Variants in COL5A2 observed in about 807,000 individuals in gnomAD.
COL5A2 encodes collagen type V alpha 2 chain, also known as collagen alpha-2(V) chain.
A neutral mutation model predicts 208.2 loss-of-function variants in COL5A2; 23 were observed. The ratio of observed to expected loss-of-function variants is 0.11; its 90% CI spans 0.08 to 0.16. COL5A2 has a LOEUF of 0.16. COL5A2 is among the 10% of genes least tolerant of loss of function. The probability of loss-of-function intolerance (pLI) is 1.00; values close to 1 mark genes in which losing one functional copy is unlikely to be tolerated. For synonymous variants in COL5A2, 625 were observed against 628.5 expected, an observed-to-expected ratio of 0.99 and a Z score of 0.08; for missense variants, 1,590 against 1,956.4, an observed-to-expected ratio of 0.81 and a Z score of 3.53.
chr2:189,241,885 T>G, the COL5A2 span, among the ~76,000 whole-genome samples: 1 of 152,288 alleles, frequency 6.6e-6, no homozygotes, highest in East Asian at 1.9e-4. Flanking sequence ...CCAGGTATTC[T>G]CCCCTACCCA....
chr2:189,089,816 G>A (rs1686744773), intron 7 of COL5A2, among the ~76,000 whole-genome samples: 1 of 152,144 alleles, frequency 6.6e-6, no homozygotes, highest in African/African-American at 2.4e-5. Flanking sequence ...CTTGAATGAT[G>A]CCCATACAAG....
intron 11 of COL5A2, among the ~76,000 whole-genome samples, chr2:189,084,727 A>C (rs1366142679): frequency 6.6e-6 from 1 of 152,160 alleles, no homozygotes; most frequent in Non-Finnish European, 1.5e-5. Flanking sequence ...TGAAGAAATC[A>C]TTTTTTCATC....
At chr2:189,159,905 A>G (rs1360136307) in intron 1 of COL5A2, among the ~76,000 whole-genome samples, 1 of 151,804 alleles carries the variant, frequency 6.6e-6, no homozygotes, top group Non-Finnish European at 1.5e-5. Context: ...TAATAATTAA[A>G]TTAAAAATAA....
chr2:189,245,157 C>G, the COL5A2 span, among the ~76,000 whole-genome samples: 4 of 152,162 alleles, frequency 2.6e-5, no homozygotes, highest in Non-Finnish European at 4.4e-5. Flanking sequence ...CAAACCATAT[C>G]AGGATTCATG....
At chr2:189,345,327 G>A in the COL5A2 span, among the ~76,000 whole-genome samples, 1 of 152,202 alleles carries the variant, frequency 6.6e-6, no homozygotes, top group African/African-American at 2.4e-5. Context: ...CCAGCAGGCA[G>A]CTGGACATAA....
the COL5A2 span, among the ~76,000 whole-genome samples, chr2:189,374,891 G>T: frequency 2.1e-3 from 327 of 152,180 alleles, 1 homozygote; most frequent in Middle Eastern, 0.01. Context: ...AAACAAAGAA[G>T]AATGAAGCAC....
chr2:189,223,638 G>A (rs760459986), intron 1 of COL5A2, among the ~76,000 whole-genome samples: 2 of 152,120 alleles, frequency 1.3e-5, no homozygotes, highest in Non-Finnish European at 2.9e-5. Context: ...AAAAATGAAT[G>A]ATCTATAATT....
the COL5A2 span, among the ~76,000 whole-genome samples, chr2:189,234,364 C>T: frequency 6.6e-6 from 1 of 151,724 alleles, no homozygotes; most frequent in South Asian, 2.1e-4. Context: ...TACATAAACT[C>T]AAAGCCCACC....
intron 1 of COL5A2, among the ~76,000 whole-genome samples, chr2:189,121,318 G>C (rs1267273015): frequency 1.3e-5 from 2 of 151,864 alleles, no homozygotes; most frequent in South Asian, 4.2e-4. Flanking sequence ...CTCCTTCCTG[G>C]TAATTGGCAA....
chr2:189,203,888 C>T (rs1271311936), intron 1 of COL5A2, among the ~76,000 whole-genome samples: 7 of 151,372 alleles, frequency 4.6e-5, no homozygotes, highest in Non-Finnish European at 1.5e-5. Context: ...GAACCATTTT[C>T]TTTTTTGTCT....
At chr2:189,275,644 G>A in the COL5A2 span, among the ~76,000 whole-genome samples, 98 of 152,028 alleles carry the variant, frequency 6.4e-4, no homozygotes, top group Admixed American at 2.4e-3. Flanking sequence ...GTAGAGACGG[G>A]CTTTCACCAT....
chr2:189,056,818 G>C (rs567153603), intron 35 of COL5A2, 155 bp downstream of exon 35: 1 of 748,800 alleles, frequency 1.3e-6, no homozygotes, highest in African/African-American at 1.7e-5. Flanking sequence ...TGAATAAACC[G>C]TGGTTGAATC....
upstream of COL5A2, among the ~76,000 whole-genome samples, chr2:189,225,325 G>A (rs2105882808): frequency 6.6e-6 from 1 of 152,276 alleles, no homozygotes; most frequent in South Asian, 2.1e-4. Flanking sequence ...TACAACAGGA[G>A]TTAGTTCCTA....
intron 1 of COL5A2, among the ~76,000 whole-genome samples, chr2:189,115,676 G>A (rs1687375154): frequency 6.6e-6 from 1 of 152,138 alleles, no homozygotes; most frequent in East Asian, 1.9e-4. Flanking sequence ...CCTGTGAGCT[G>A]TGAGACTGTG....
rs769664481 is a variant in COL5A2 at position 189,035,078 on chromosome 2, G to A, written c.4191C>T (p.Ala1397=). The A allele has an allele frequency of 6.2e-7, 1 of 1,613,892 alleles. No individual in the cohort carries two copies. Among genetic ancestry groups the A allele is most frequent in the Non-Finnish European group, 8.5e-7 (1 of 1,179,898 alleles). The change falls in exon 53 of 54, where the codon GCC becomes GCT. Residue 1397 remains alanine, a synonymous_variant. Transcript: ENST00000374866. The part of the protein sequence containing the change: ...MTFLRLLSKE[A]SQNITYICKN... ...TACAGATGTAAGTGATGTTCTGGGA[G>A]GCTTCTTTTGATAAAAGGCGCAAAA...
intron 1 of COL5A2, among the ~76,000 whole-genome samples, chr2:189,117,751 A>G (rs1687422279): frequency 6.6e-6 from 1 of 151,120 alleles, no homozygotes; most frequent in Non-Finnish European, 1.5e-5. Context: ...TTTTCTTTTA[A>G]TGTAGTAGTT....
chr2:189,432,399 G>C, the COL5A2 span, among the ~76,000 whole-genome samples: 7 of 152,284 alleles, frequency 4.6e-5, no homozygotes, highest in East Asian at 1.4e-3. Context: ...ATTGGATAAA[G>C]AGTCAAGACC....
chr2:189,060,352 T>TATTAAATGATTTAATGAACAA (rs1409630811), intron 31 of COL5A2, among the ~76,000 whole-genome samples: 4 of 152,108 alleles, frequency 2.6e-5, no homozygotes, highest in Non-Finnish European at 5.9e-5. Context: ...AGCAAATATT[T>TATTAAATGATTTAATGAACAA]ATTAAATGAT....
At chr2:189,235,243 A>G in the COL5A2 span, among the ~76,000 whole-genome samples, 1 of 151,754 alleles carries the variant, frequency 6.6e-6, no homozygotes, top group Non-Finnish European at 1.5e-5. Flanking sequence ...AATAGTACAT[A>G]TTTTTAATTG....
Sources: allele counts gnomAD v4.1 joint callset (sites outside exome capture counted in the v4.1 genomes callset), GRCh38; gene constraint gnomAD v4.1.1; transcripts MANE v1.5; gene names NCBI Gene and HGNC (gene_info 2026-07-23, HGNC 2026-07-21).